ANKRD24: variants seen among roughly 807,000 people sequenced by gnomAD.
ANKRD24 encodes ankyrin repeat domain-containing protein 24.
A neutral mutation model predicts 127.8 loss-of-function variants in ANKRD24; 109 were observed. The ratio of observed to expected loss-of-function variants is 0.85; its 90% CI spans 0.73 to 1.00. ANKRD24 has a LOEUF of 1.00. Among genes scored for constraint, ANKRD24 ranks in the 50% least tolerant of loss-of-function variants. The probability of loss-of-function intolerance (pLI) is 0.00; values close to 1 mark genes in which losing one functional copy is unlikely to be tolerated. For missense variants in ANKRD24, 1,648 were observed against 1,570.2 expected (o/e 1.05, Z -0.84); for synonymous variants, 743 against 671.1 (o/e 1.11, Z -1.66).
chr19:4,186,517 C>T (rs1377520290), intron 2 of ANKRD24, 56 bp downstream of exon 2: 4 of 1,553,178 alleles, frequency 2.6e-6, no homozygotes, highest in Middle Eastern at 1.7e-4. Flanking sequence ...CCTTCTGTCT[C>T]CTGGGGCTTG....
intron 15 of ANKRD24, 126 bp downstream of exon 15, chr19:4,212,824 C>G: frequency 1.2e-6 from 1 of 841,292 alleles, no homozygotes; most frequent in Non-Finnish European, 1.8e-6. Context: ...ACGCACCAGA[C>G]ACATGCACCC....
chr19:4,214,359 G>C (rs180937829), intron 15 of ANKRD24, among the ~76,000 whole-genome samples: 85 of 151,978 alleles, frequency 5.6e-4, no homozygotes, highest in African/African-American at 2.0e-3. Flanking sequence ...GAGAGATGGG[G>C]ACTCACTATG....
At chr19:4,187,377 C>T (rs994505385) in intron 2 of ANKRD24, among the ~76,000 whole-genome samples, 1 of 150,536 alleles carries the variant, frequency 6.6e-6, no homozygotes, top group African/African-American at 2.4e-5. Flanking sequence ...TGTGCCATTG[C>T]ACTGCAGCCT....
chr19:4,207,344 T>C (rs371550218), intron 8 of ANKRD24, 32 bp downstream of exon 8: 2 of 1,608,472 alleles, frequency 1.2e-6, no homozygotes, highest in African/African-American at 2.7e-5. Flanking sequence ...AGGGAAGATG[T>C]TATGCTTGAG....
At chr19:4,216,425 C>A (rs1970074805) in intron 17 of ANKRD24, 23 bp downstream of exon 17, 1 of 1,558,564 alleles carries the variant, frequency 6.4e-7, no homozygotes. Context: ...AGGCTGGGGA[C>A]AGATCTGAGG....
Position 4,199,807 on chromosome 19 carries a change from CCT to C in ANKRD24, c.123+39_123+40del, listed in dbSNP as rs1486553167. ...GGGCAGGTGGTGAGAGCCCGGAGCC[CCT>C]GTCGGGGGCGTGGGGAGGGGACAGC... is the stretch of plus-strand genomic sequence containing the variant. On this transcript the variant is annotated intron_variant, in intron 3 of 21. Coordinates refer to ENST00000318934, the MANE Select transcript of ANKRD24 (RefSeq NM_001393985.1). This position sits in a 1 kb window ranked among gnomAD's most constrained non-coding sequence, Gnocchi z 5.2. 4 of 1,507,292 alleles carry C rather than the reference CCT, an allele frequency of 2.7e-6. No homozygotes were observed. In the African/African-American group the frequency reaches 6.0e-5, roughly 23 times the overall value. The allele number at this position is 1,507,292 out of a possible 1,614,324, so 93.4% of individuals were successfully genotyped here. A position where few individuals can be genotyped will look rare whatever the true frequency, so the allele number is the denominator to read the frequency against.
At chr19:4,191,317 G>C (rs915947262) in intron 2 of ANKRD24, among the ~76,000 whole-genome samples, 2 of 151,836 alleles carry the variant, frequency 1.3e-5, no homozygotes, top group East Asian at 3.9e-4. Context: ...CAGGGGCCAG[G>C]CCCCCCCCTC....
intron 18 of ANKRD24, among the ~76,000 whole-genome samples, chr19:4,218,670 TTCTC>T (rs1449410466): frequency 2.0e-5 from 3 of 149,036 alleles, no homozygotes; most frequent in Non-Finnish European, 4.5e-5. Flanking sequence ...CTCTCTTTCT[TTCTC>T]TTTATTTCTC....
rs760468763 is a variant in ANKRD24, at chr19:4,215,975, C to T, written c.1198-3C>T. Reference sequence around the variant, plus strand: ...CGAGCTGGACTCTGCTCCCTCCCCCCAGAACGAGCGGGAGAATACTAGCTA... The same window carrying T: ...CGAGCTGGACTCTGCTCCCTCCCCCTAGAACGAGCGGGAGAATACTAGCTA... On this transcript the variant is annotated splice_polypyrimidine_tract_variant and splice_region_variant and intron_variant, in intron 15 of 21. Transcript: ENST00000318934. 7.6e-6 allele frequency: 12 copies of T among 1,584,172 alleles called. No individual in the cohort carries two copies. The African/African-American group carries it at 9.5e-5, about 12-fold the overall frequency.
chr19:4,198,670 G>A lies in ANKRD24; in HGVS notation c.37-1013G>A, dbSNP rs926730140. ...ATGGTCGGCGGCGGGGGGTGGGGGGGAACAGAGGTTGGGGCAGCTTTTGGG... is the reference window on the plus strand; with the variant it reads ...ATGGTCGGCGGCGGGGGGTGGGGGGAAACAGAGGTTGGGGCAGCTTTTGGG... On this transcript the variant is annotated intron_variant, in intron 2 of 21. Coordinates refer to ENST00000318934, the MANE Select transcript of ANKRD24 (RefSeq NM_001393985.1). The surrounding 1 kb of genome is among the most constrained non-coding windows in gnomAD (Gnocchi z 6.1). 4 of 401,832 alleles carry A rather than the reference G, an allele frequency of 1.0e-5. No individual in the cohort carries two copies. Among genetic ancestry groups the A allele is most frequent in the African/African-American group, 8.3e-5 (4 of 48,256 alleles). The allele number at this position is 401,832 out of a possible 1,614,324, so 24.9% of individuals were successfully genotyped here.
chr19:4,210,160 G>A (rs1279236813), intron 12 of ANKRD24, 22 bp downstream of exon 12: 1 of 1,593,120 alleles, frequency 6.3e-7, no homozygotes, highest in East Asian at 2.3e-5. Context: ...TCTGGGCACG[G>A]GAGGAGGCAT....
chr19:4,208,088 A>G, intron 10 of ANKRD24, 120 bp downstream of exon 10: 1 of 1,052,588 alleles, frequency 9.5e-7, no homozygotes, highest in African/African-American at 1.6e-5. Context: ...GAGGTCCTAG[A>G]GCTTACCCAA....
chr19:4,222,733 C>T lies in ANKRD24; in HGVS notation c.3235C>T (p.Leu1079Phe), dbSNP rs1970507464. The T allele has an allele frequency of 2.5e-6, 4 of 1,612,104 alleles. No homozygotes were observed. In the South Asian group the frequency reaches 4.4e-5, roughly 18 times the overall value. The stretch of plus-strand genomic sequence containing the variant: ...AGCCTTGAAGGAGCAGCCGGCCGCC[C>T]TCGCCACCCCTGAGGTGGAGGCTCT... ...KEALKEQPAA[L>F]ATPEVEALRD... Residue 1079 changes from leucine to phenylalanine, a missense_variant, in exon 20 of 22, where the codon CTC (leucine) becomes TTC (phenylalanine). Leu to Phe is a conservative substitution (Grantham distance 22). Coordinates refer to ENST00000318934, the MANE Select transcript of ANKRD24 (RefSeq NM_001393985.1).
Position 4,207,594 on chromosome 19 carries a change from G to A in ANKRD24, c.631G>A (p.Asp211Asn), listed in dbSNP as rs1472634053. The A allele has an allele frequency of 6.2e-7, 1 of 1,613,880 alleles. No homozygotes were observed. Among genetic ancestry groups the A allele is most frequent in the Non-Finnish European group, 8.5e-7 (1 of 1,179,852 alleles). The change falls in exon 9 of 22, where the codon GAC becomes AAC. Residue 211 changes from aspartate (D) to asparagine (N), a missense_variant. Transcript: ENST00000318934. Reference sequence around the variant, plus strand: ...GCAAGGGGCTGCCGCGAACGATCAGGACCTGCAAGGCAGGTGAGCATCTCC... The same window carrying A: ...GCAAGGGGCTGCCGCGAACGATCAGAACCTGCAAGGCAGGTGAGCATCTCC... ...LQQGAAANDQ[D>N]LQGRTALMLA...
chr19:4,182,815 C>T, intron 1 of ANKRD24, 75 bp downstream of exon 1: 1 of 862,514 alleles, frequency 1.2e-6, no homozygotes, highest in Non-Finnish European at 1.4e-6. Context: ...CGTGAGAGTT[C>T]TCCAGTCACC....
At chr19:4,216,493 T>G in intron 17 of ANKRD24, 57 bp from the exon 18 acceptor site, 1 of 1,561,348 alleles carries the variant, frequency 6.4e-7, no homozygotes, top group Non-Finnish European at 8.7e-7. Context: ...GGCTGCCCTG[T>G]GTCCCCACGG....
intron 2 of ANKRD24, among the ~76,000 whole-genome samples, chr19:4,193,895 A>G (rs548551716): frequency 7.7e-5 from 9 of 116,894 alleles, no homozygotes; most frequent in Non-Finnish European, 1.4e-4. Context: ...AAGGAAGGAA[A>G]AACTCCATGA....
intron 1 of ANKRD24, 104 bp from the exon 2 acceptor site, chr19:4,186,286 G>A: frequency 6.6e-7 from 1 of 1,506,138 alleles, no homozygotes; most frequent in Non-Finnish European, 8.9e-7. Context: ...GCCAGGACTG[G>A]TCAGGAAGGA....
intron 2 of ANKRD24, among the ~76,000 whole-genome samples, chr19:4,191,958 T>TG (rs1475455071): frequency 1.3e-5 from 2 of 151,122 alleles, no homozygotes; most frequent in Non-Finnish European, 2.9e-5. Context: ...ATTTTTTTTT[T>TG]TTGGTATTTT....
Sources: gnomAD v4.1 joint callset for allele counts (sites outside exome capture counted in the v4.1 genomes callset) on GRCh38, gnomAD v4.1.1 for gene constraint, Gnocchi (gnomAD v3.1) non-coding constraint, MANE v1.5 for transcripts, NCBI Gene and HGNC (gene_info 2026-07-23, HGNC 2026-07-21) for gene names.